The following VTCN1 variants were observed in gnomAD, a reference collection of about 807,000 sequenced individuals.
The protein encoded by VTCN1 is V-set domain-containing T-cell activation inhibitor 1.
A neutral mutation model predicts 26.5 loss-of-function variants in VTCN1; 26 were observed. The ratio of observed to expected loss-of-function variants is 0.98; its 90% CI spans 0.72 to 1.36. The LOEUF (loss-of-function observed/expected upper bound fraction) is 1.36. VTCN1 is among the 40% of genes most tolerant of loss of function. VTCN1 has a pLI of 0.00. For missense variants in VTCN1, 298 were observed against 337.7 expected, an observed-to-expected ratio of 0.88 and a Z score of 0.92; for synonymous variants, 116 against 130.7, an observed-to-expected ratio of 0.89 and a Z score of 0.77.
intron 1 of VTCN1, among the ~76,000 whole-genome samples, chr1:117,204,396 C>T (rs971712051): frequency 2.0e-5 from 3 of 152,188 alleles, no homozygotes; most frequent in Non-Finnish European, 4.4e-5. Flanking sequence ...AATACATCCA[C>T]AGATCAGACT....
chr1:117,178,993 A>G (rs1004495054), intron 1 of VTCN1, among the ~76,000 whole-genome samples: 7 of 152,174 alleles, frequency 4.6e-5, no homozygotes, highest in Non-Finnish European at 1.0e-4. Flanking sequence ...CTACAAAACC[A>G]CGGGAATCTC....
chr1:117,195,367 C>T (rs892701450), intron 1 of VTCN1, among the ~76,000 whole-genome samples: 1 of 151,706 alleles, frequency 6.6e-6, no homozygotes, highest in Admixed American at 6.6e-5. Flanking sequence ...CAAACACACA[C>T]AAATAACTGA....
intron 1 of VTCN1, among the ~76,000 whole-genome samples, chr1:117,206,344 C>A (rs1000565732): frequency 3.3e-5 from 5 of 152,000 alleles, no homozygotes; most frequent in Non-Finnish European, 7.4e-5. Context: ...GGAGAGCCAA[C>A]CAAGAACCAT....
At chr1:117,148,117 G>A (rs903467769) in intron 4 of VTCN1, among the ~76,000 whole-genome samples, 2 of 152,200 alleles carry the variant, frequency 1.3e-5, no homozygotes, top group African/African-American at 4.8e-5. Flanking sequence ...CCTCCAGGCA[G>A]TGATCTTTAC....
At chr1:117,153,502 T>C (rs1183986127) in intron 3 of VTCN1, 133 bp from the exon 4 acceptor site, 5 of 999,796 alleles carry the variant, frequency 5.0e-6, no homozygotes, top group Non-Finnish European at 7.1e-6. Context: ...CACTCAGTAC[T>C]TCCTCAGAGG....
chr1:117,187,331 A>AG (rs1647996779), intron 1 of VTCN1, among the ~76,000 whole-genome samples: 1 of 151,032 alleles, frequency 6.6e-6, no homozygotes, highest in Non-Finnish European at 1.5e-5. Context: ...AAAAAAAAAA[A>AG]AAGGAGCTTT....
At position 117,146,129 on chromosome 1, in the gene VTCN1, A is replaced by G. The variant is rs1385457747; in HGVS notation, c.*46-904T>C. Among the ~76,000 whole-genome samples, 4 of 152,206 alleles carry G rather than the reference A, an allele frequency of 2.6e-5. No homozygotes were observed. The highest frequency in any genetic ancestry group is 5.9e-5 in the Non-Finnish European group (4 of 68,032). ...TATTACTCTAAGGGAATACAAGGTAAAGATGAGTCAGCTATGTTATATAGG... is the reference window on the plus strand; with the variant it reads ...TATTACTCTAAGGGAATACAAGGTAGAGATGAGTCAGCTATGTTATATAGG... On this transcript the variant is annotated intron_variant, in intron 5 of 5. Coordinates refer to ENST00000369458, the MANE Select transcript of VTCN1 (RefSeq NM_024626.4). This position sits in a 1 kb window ranked among gnomAD's most constrained non-coding sequence, Gnocchi z 4.2.
intron 1 of VTCN1, among the ~76,000 whole-genome samples, chr1:117,170,989 C>A (rs987314575): frequency 1.3e-5 from 2 of 151,944 alleles, no homozygotes; most frequent in African/African-American, 4.8e-5. Context: ...TGTCCTAATG[C>A]CCTCCCTCCC....
At position 117,147,600 on chromosome 1, in the gene VTCN1, T is replaced by A; in HGVS notation, c.*45+13A>T. On this transcript the variant is annotated intron_variant, in intron 5 of 5. Coordinates refer to ENST00000369458, the MANE Select transcript of VTCN1 (RefSeq NM_024626.4). The surrounding 1 kb of genome is among the most constrained non-coding windows in gnomAD (Gnocchi z 4.6). ...CAGAACCAATATCCCACACTATTTG[T>A]GATTAATCTCACCTGTTGTAACAAT... 1 of 1,597,634 alleles carries A rather than the reference T, an allele frequency of 6.3e-7. No homozygotes were observed. Among genetic ancestry groups the A allele is most frequent in the Non-Finnish European group, 8.5e-7 (1 of 1,173,080 alleles).
In VTCN1 at chr1:117,175,140, A is replaced by G. The variant is rs1647266853; in HGVS notation, c.33-4969T>C. Among the ~76,000 whole-genome samples, 1 of 152,228 alleles carries G rather than the reference A, an allele frequency of 6.6e-6. No homozygotes were observed. Among genetic ancestry groups the G allele is most frequent in the African/African-American group, 2.4e-5 (1 of 41,470 alleles). On this transcript the variant is annotated intron_variant, in intron 1 of 5. Coordinates refer to ENST00000369458, the MANE Select transcript of VTCN1 (RefSeq NM_024626.4). This position sits in a 1 kb window ranked among gnomAD's most constrained non-coding sequence, Gnocchi z 4.2. ...AGAAATTGGGCCTTTGTTAAAACATATGCACATTCCTGAAAAGCCTCACAT... is the reference window on the plus strand; with the variant it reads ...AGAAATTGGGCCTTTGTTAAAACATGTGCACATTCCTGAAAAGCCTCACAT...
At chr1:117,209,753 AG>A (rs772147023) in intron 1 of VTCN1, among the ~76,000 whole-genome samples, 1 of 152,214 alleles carries the variant, frequency 6.6e-6, no homozygotes, top group Non-Finnish European at 1.5e-5. Context: ...AGCCCTGCAG[AG>A]TCCTTCACCT....
At chr1:117,171,764 G>T (rs1207740755) in intron 1 of VTCN1, among the ~76,000 whole-genome samples, 1 of 152,130 alleles carries the variant, frequency 6.6e-6, no homozygotes, top group African/African-American at 2.4e-5. Flanking sequence ...TTTATAGATG[G>T]GGAAGTGACA....
intron 1 of VTCN1, among the ~76,000 whole-genome samples, chr1:117,173,557 G>C (rs1167534183): frequency 6.6e-6 from 1 of 152,194 alleles, no homozygotes; most frequent in African/African-American, 2.4e-5. Flanking sequence ...CTAGAGCTGA[G>C]AGATAATACA....
intron 1 of VTCN1, among the ~76,000 whole-genome samples, chr1:117,203,024 A>C (rs1014990952): frequency 6.6e-6 from 1 of 152,012 alleles, no homozygotes; most frequent in African/African-American, 2.4e-5. Context: ...CTGCTGGAGG[A>C]GGTGTTTGCG....
At chr1:117,188,746 T>C (rs1056620437) in intron 1 of VTCN1, among the ~76,000 whole-genome samples, 2 of 152,206 alleles carry the variant, frequency 1.3e-5, no homozygotes, top group Non-Finnish European at 2.9e-5. Flanking sequence ...AGCCCATTTT[T>C]TCCCCCAAGA....
At chr1:117,176,028 C>T (rs1647335308) in intron 1 of VTCN1, among the ~76,000 whole-genome samples, 1 of 152,130 alleles carries the variant, frequency 6.6e-6, no homozygotes, top group Admixed American at 6.6e-5. Context: ...CCTCGGCCTC[C>T]CAAAGTGCTG....
In VTCN1 at chr1:117,169,799, G is replaced by A. The variant is rs970217958; in HGVS notation, c.97+308C>T. 2.6e-5 allele frequency among the ~76,000 whole-genome samples: 4 copies of A among 152,170 alleles called. No homozygotes were observed. Among genetic ancestry groups the A allele is most frequent in the Non-Finnish European group, 5.9e-5 (4 of 68,032 alleles). ...AGTCCTAGCTACTTGGGAGGCTGAG[G>A]TGAGAGGATGGCTTGAACCCAGGAG... On this transcript the variant is annotated intron_variant, in intron 2 of 5. Coordinates refer to ENST00000369458, the MANE Select transcript of VTCN1 (RefSeq NM_024626.4). The surrounding 1 kb of genome is among the most constrained non-coding windows in gnomAD (Gnocchi z 4.0).
intron 1 of VTCN1, among the ~76,000 whole-genome samples, chr1:117,210,433 C>T (rs1351472014): frequency 3.3e-5 from 5 of 152,322 alleles, no homozygotes; most frequent in South Asian, 2.1e-4. Context: ...CCTCCACTGT[C>T]GCAGTCATGG....
Position 117,169,758 on chromosome 1 carries a change from T to G in VTCN1, c.97+349A>C, listed in dbSNP as rs187412639. Among the ~76,000 whole-genome samples, 729 of 152,120 alleles carry G rather than the reference T, an allele frequency of 4.8e-3. 9 individuals carry two copies. The highest frequency in any genetic ancestry group is 0.017 in the African/African-American group (704 of 41,496). The stretch of plus-strand genomic sequence containing the variant: ...AAATAAAAAAATTAGCCTGGCATGG[T>G]GGTGCACATGCCTGTAGTCCTAGCT... On this transcript the variant is annotated intron_variant, in intron 2 of 5. Coordinates refer to ENST00000369458, the MANE Select transcript of VTCN1 (RefSeq NM_024626.4). The surrounding 1 kb of genome is among the most constrained non-coding windows in gnomAD (Gnocchi z 4.0).
Sources: allele counts gnomAD v4.1 joint callset (sites outside exome capture counted in the v4.1 genomes callset), GRCh38; gene constraint gnomAD v4.1.1; non-coding constraint Gnocchi (gnomAD v3.1); transcripts MANE v1.5; gene names NCBI Gene and HGNC (gene_info 2026-07-23, HGNC 2026-07-21).